CSMD2: variants seen among roughly 807,000 people sequenced by gnomAD.
CSMD2 encodes the protein CUB and Sushi multiple domains 2, also known as CUB and sushi domain-containing protein 2.
CSMD2 carries 130 observed loss-of-function variants against 398.5 expected under a neutral mutation model. That is an observed-to-expected ratio of 0.33 (90% CI 0.28 to 0.38). The LOEUF (loss-of-function observed/expected upper bound fraction) is 0.38, where lower values mean the gene tolerates loss of function less well. Among genes scored for constraint, CSMD2 ranks in the 10% least tolerant of loss-of-function variants. CSMD2 has a pLI of 1.00. For synonymous variants in CSMD2, 1,828 were observed against 1,908.5 expected (o/e 0.96, Z 1.10); for missense variants, 3,829 against 4,764.9 (o/e 0.80, Z 5.78).
At chr1:33,957,120 G>T (rs759887098) in intron 3 of CSMD2, among the ~76,000 whole-genome samples, 1 of 151,580 alleles carries the variant, frequency 6.6e-6, no homozygotes, top group Non-Finnish European at 1.5e-5. Flanking sequence ...CTCTCTCCAA[G>T]GCTGTCTTAT....
At chr1:33,724,483 G>A (rs1032676393) in intron 18 of CSMD2, 33 bp downstream of exon 18, 3 of 1,600,474 alleles carry the variant, frequency 1.9e-6, no homozygotes. Flanking sequence ...AGAGGAGTCT[G>A]CTACTTTAGC....
intron 1 of CSMD2, among the ~76,000 whole-genome samples, chr1:34,140,329 C>T (rs1639165140): frequency 1.2e-5 from 1 of 86,534 alleles, no homozygotes; most frequent in Admixed American, 1.5e-4. Flanking sequence ...AAAAAAAACC[C>T]AGCGGCAGAA....
chr1:33,669,566 C>A (rs1404801691), intron 25 of CSMD2, among the ~76,000 whole-genome samples: 1 of 152,226 alleles, frequency 6.6e-6, no homozygotes, highest in Non-Finnish European at 1.5e-5. Flanking sequence ...TTCTTATTCT[C>A]TTGCTTCAGA....
chr1:33,960,966 A>T lies in CSMD2; in HGVS notation c.518-25012T>A, dbSNP rs186471545. Reference sequence around the variant, plus strand: ...CTTTTCCTGATCCCTGTGTGGGCACAGACAACCCCAGGCCACAATTTCTGA... The same window carrying T: ...CTTTTCCTGATCCCTGTGTGGGCACTGACAACCCCAGGCCACAATTTCTGA... On this transcript the variant is annotated intron_variant, in intron 3 of 70. Transcript: ENST00000373381. Among the ~76,000 whole-genome samples, 351 of 152,372 alleles carry T rather than the reference A, an allele frequency of 2.3e-3. 1 individual carries two copies. Among genetic ancestry groups the T allele is most frequent in the Middle Eastern group, 0.01 (3 of 294 alleles).
At chr1:34,087,467 G>C (rs577642183) in intron 2 of CSMD2, among the ~76,000 whole-genome samples, 169 of 151,516 alleles carry the variant, frequency 1.1e-3, no homozygotes, top group Non-Finnish European at 1.4e-3. Context: ...ACCGGGGCCT[G>C]TCAGGGGGTT....
intron 25 of CSMD2, among the ~76,000 whole-genome samples, chr1:33,690,980 G>C (rs559956095): frequency 6.6e-6 from 1 of 152,352 alleles, no homozygotes; most frequent in South Asian, 2.1e-4. Flanking sequence ...AGCCCCGCAA[G>C]AGAGGGGGTG....
At chr1:33,826,393 G>A (rs1467824117) in intron 6 of CSMD2, among the ~76,000 whole-genome samples, 1 of 152,180 alleles carries the variant, frequency 6.6e-6, no homozygotes, top group Non-Finnish European at 1.5e-5. Context: ...AGGCATAAAA[G>A]CACTTGCCAG....
chr1:33,557,619 CA>C, intron 55 of CSMD2, 114 bp downstream of exon 55: 1 of 37,664 alleles, frequency 2.7e-5, no homozygotes, highest in Non-Finnish European at 4.8e-5. Context: ...CATGTGCAGA[CA>C]CACACACACA....
chr1:33,577,091 A>G (rs1451087855), intron 49 of CSMD2, among the ~76,000 whole-genome samples: 1 of 152,184 alleles, frequency 6.6e-6, no homozygotes. Flanking sequence ...GCCACTTTGC[A>G]TTGATGTGCT....
In CSMD2 at chr1:33,722,540, CATTTGT is replaced by C. The variant is rs757668604; in HGVS notation, c.3001+1651_3001+1656del. On this transcript the variant is annotated intron_variant, in intron 19 of 70. Transcript: ENST00000373381. ...ATTATTAATGAGGTCCATGATTTTC[CATTTGT>C]ATTTCCTCTGTTACAAAGTGTTACT... 9.9e-5 allele frequency among the ~76,000 whole-genome samples: 15 copies of C among 152,168 alleles called. No homozygotes were observed. The South Asian group carries it at 3.1e-3, about 32-fold the overall frequency.
rs1655621057 is a variant in CSMD2 at position 33,801,655 on chromosome 1, A to C, written c.1446+9088T>G. On this transcript the variant is annotated intron_variant, in intron 10 of 70. Transcript: ENST00000373381. ...GGGGGAAATAGATTCTAAATGCAAGAAAACAAAAAGTGCTGTAGGAACAGG... is the reference window on the plus strand; with the variant it reads ...GGGGGAAATAGATTCTAAATGCAAGCAAACAAAAAGTGCTGTAGGAACAGG... Among the ~76,000 whole-genome samples the C allele has an allele frequency of 2.6e-5, 4 of 152,252 alleles. No homozygotes were observed. The South Asian group carries it at 8.3e-4, about 31-fold the overall frequency.
intron 58 of CSMD2, among the ~76,000 whole-genome samples, chr1:33,542,479 A>C (rs1656444736): frequency 6.6e-6 from 1 of 152,234 alleles, no homozygotes; most frequent in Non-Finnish European, 1.5e-5. Flanking sequence ...AATAGTAGCT[A>C]CTTCACGGAG....
intron 2 of CSMD2, among the ~76,000 whole-genome samples, chr1:34,055,184 C>A (rs1192134101): frequency 6.6e-6 from 1 of 152,166 alleles, no homozygotes; most frequent in Non-Finnish European, 1.5e-5. Context: ...AGCCAGTCTA[C>A]TCCCAACTTT....
At chr1:33,705,402 TC>T (rs1013619970) in intron 22 of CSMD2, among the ~76,000 whole-genome samples, 2 of 152,170 alleles carry the variant, frequency 1.3e-5, no homozygotes, top group Non-Finnish European at 2.9e-5. Flanking sequence ...GACCATTATC[TC>T]CCCATTCCCT....
intron 2 of CSMD2, among the ~76,000 whole-genome samples, chr1:34,069,789 C>T (rs867257607): frequency 2.0e-5 from 3 of 152,178 alleles, no homozygotes; most frequent in African/African-American, 4.8e-5. Flanking sequence ...GAAAGGGGAC[C>T]TTTTCTGCAG....
At chr1:34,043,378 T>A (rs1297315306) in intron 2 of CSMD2, among the ~76,000 whole-genome samples, 2 of 152,188 alleles carry the variant, frequency 1.3e-5, no homozygotes, top group Non-Finnish European at 2.9e-5. Flanking sequence ...ACTTTCAGCA[T>A]CAGTTCCTCT....
intron 3 of CSMD2, 98 bp downstream of exon 3, chr1:34,032,496 G>A: frequency 1.3e-6 from 1 of 756,052 alleles, no homozygotes; most frequent in Non-Finnish European, 2.1e-6. Context: ...CTCTGGGTCT[G>A]AAGAACACTT....
Position 33,749,280 on chromosome 1 carries a change from T to G in CSMD2, c.1847-5674A>C, listed in dbSNP as rs921726274. Among the ~76,000 whole-genome samples the G allele has an allele frequency of 1.3e-5, 2 of 151,900 alleles. 1 individual carries two copies. The highest frequency in any genetic ancestry group is 4.2e-4 in the South Asian group (2 of 4,818). On this transcript the variant is annotated intron_variant, in intron 13 of 70. Coordinates refer to ENST00000373381, the MANE Select transcript of CSMD2 (RefSeq NM_001281956.2). ...CGCCCGGCTAATTTTTTTGTATTTT[T>G]AGTAGAGACAGGGTTTCGCCGTGTT...
chr1:34,100,837 C>T (rs754469868), intron 1 of CSMD2, among the ~76,000 whole-genome samples: 3 of 152,322 alleles, frequency 2.0e-5, no homozygotes, highest in Admixed American at 6.5e-5. Flanking sequence ...TGCCTTTCCA[C>T]GGCCAGAGTC....
Sources: allele counts gnomAD v4.1 joint callset (sites outside exome capture counted in the v4.1 genomes callset), GRCh38; gene constraint gnomAD v4.1.1; transcripts MANE v1.5; gene names NCBI Gene and HGNC (gene_info 2026-07-23, HGNC 2026-07-21).